Variants in ZNF438 observed in about 807,000 individuals in gnomAD.
The protein encoded by ZNF438 is zinc finger protein 438.
In ZNF438, 25 loss-of-function variants were observed where a neutral mutation model predicts 38.0. The observed-to-expected ratio is 0.66, with a 90% confidence interval of 0.48 to 0.92. ZNF438 has a LOEUF of 0.92. Ranked by LOEUF, ZNF438 falls within the 40% of genes least tolerant of loss-of-function variation. The pLI is 0.00. For synonymous variants in ZNF438, 372 were observed against 364.1 expected (o/e 1.02, Z -0.25); for missense variants, 1,007 against 999.6 (o/e 1.01, Z -0.10).
At chr10:30,929,420 AGTT>A (rs1407777532) in intron 2 of ZNF438, among the ~76,000 whole-genome samples, 1 of 151,490 alleles carries the variant, frequency 6.6e-6, no homozygotes, top group Non-Finnish European at 1.5e-5. Flanking sequence ...GTGTGTCTGG[AGTT>A]GTTCATTCCT....
intron 1 of ZNF438, among the ~76,000 whole-genome samples, chr10:30,948,141 C>A (rs113412090): frequency 1.3e-5 from 2 of 152,206 alleles, no homozygotes; most frequent in East Asian, 3.9e-4. Context: ...AGGGGCACAC[C>A]GACATCTCAC....
At chr10:31,005,706 T>C (rs759230484) in intron 1 of ZNF438, among the ~76,000 whole-genome samples, 1 of 152,224 alleles carries the variant, frequency 6.6e-6, no homozygotes, top group Non-Finnish European at 1.5e-5. Context: ...TTGACTGTAG[T>C]ATCCACTTCA....
chr10:31,029,230 T>C (rs1337085435), intron 1 of ZNF438, among the ~76,000 whole-genome samples: 1 of 152,226 alleles, frequency 6.6e-6, no homozygotes. Context: ...GGGACAATAA[T>C]GGTTCCTTGC....
At chr10:30,928,289 T>C (rs1472051899) in intron 2 of ZNF438, among the ~76,000 whole-genome samples, 2 of 152,186 alleles carry the variant, frequency 1.3e-5, no homozygotes, top group Non-Finnish European at 2.9e-5. Flanking sequence ...CATTGAATCC[T>C]AAAAATAATA....
chr10:30,929,180 C>T (rs1223808462), intron 2 of ZNF438, among the ~76,000 whole-genome samples: 7 of 152,154 alleles, frequency 4.6e-5, no homozygotes, highest in Non-Finnish European at 7.4e-5. Flanking sequence ...ATCACAAGGT[C>T]GGCAAATCAA....
intron 1 of ZNF438, among the ~76,000 whole-genome samples, chr10:30,950,610 C>G (rs1378222302): frequency 1.3e-5 from 2 of 150,794 alleles, no homozygotes; most frequent in African/African-American, 4.9e-5. Flanking sequence ...TCAGAGAATA[C>G]TACAAACACC....
At chr10:31,013,683 T>G (rs1230955467) in intron 1 of ZNF438, among the ~76,000 whole-genome samples, 1 of 152,138 alleles carries the variant, frequency 6.6e-6, no homozygotes, top group Non-Finnish European at 1.5e-5. Flanking sequence ...GGTATCCACC[T>G]CCTTATGGAT....
At chr10:30,979,895 T>G (rs2051906866) in intron 1 of ZNF438, among the ~76,000 whole-genome samples, 1 of 152,298 alleles carries the variant, frequency 6.6e-6, no homozygotes, top group South Asian at 2.1e-4. Context: ...TTACCAAAAC[T>G]AGGAATGCTA....
At chr10:30,871,158 G>A (rs1588905861) in intron 4 of ZNF438, among the ~76,000 whole-genome samples, 4 of 152,276 alleles carry the variant, frequency 2.6e-5, no homozygotes, top group African/African-American at 7.2e-5. Context: ...TGCTTGGATA[G>A]GCAGCCCAGT....
At chr10:30,984,465 T>C (rs937817356) in intron 1 of ZNF438, 39 bp from the exon 2 acceptor site, 1 of 152,178 alleles carries the variant, frequency 6.6e-6, no homozygotes, top group Non-Finnish European at 1.5e-5. Context: ...CATATTCAGA[T>C]AATCCATTTT....
chr10:30,995,846 C>T (rs1188340282), intron 1 of ZNF438, among the ~76,000 whole-genome samples: 1 of 152,106 alleles, frequency 6.6e-6, no homozygotes, highest in Non-Finnish European at 1.5e-5. Context: ...GAGGTCAATA[C>T]AACTAACTAT....
At chr10:30,969,296 CAT>C (rs1564761301) in intron 1 of ZNF438, among the ~76,000 whole-genome samples, 1 of 152,176 alleles carries the variant, frequency 6.6e-6, no homozygotes, top group African/African-American at 2.4e-5. Flanking sequence ...CCAAAGCACA[CAT>C]AGTCTGCTTC....
chr10:30,848,435 T>C, intron 5 of ZNF438, 96 bp downstream of exon 6: 2 of 1,389,560 alleles, frequency 1.4e-6, no homozygotes, highest in East Asian at 4.6e-5. Flanking sequence ...ATCCTAGAGA[T>C]GTTTTATAAA....
intron 2 of ZNF438, among the ~76,000 whole-genome samples, chr10:30,910,683 CAAAA>C (rs11375197): frequency 1.1e-5 from 1 of 89,768 alleles, no homozygotes; most frequent in Non-Finnish European, 2.1e-5. Context: ...GTATATTGGC[CAAAA>C]AAAAAAAAAA....
chr10:30,880,692 T>C (rs914196224), intron 3 of ZNF438, among the ~76,000 whole-genome samples: 2 of 152,046 alleles, frequency 1.3e-5, no homozygotes, highest in African/African-American at 4.8e-5. Flanking sequence ...AATCCAGACA[T>C]AGAAAAGATT....
At chr10:30,919,076 A>G (rs79346319) in intron 2 of ZNF438, 7 of 152,322 alleles carry the variant, frequency 4.6e-5, no homozygotes, top group Non-Finnish European at 1.0e-4. Flanking sequence ...GAGGATTCCT[A>G]CTTGGCCTTC....
intron 3 of ZNF438, among the ~76,000 whole-genome samples, chr10:30,906,609 T>C (rs1292200120): frequency 1.3e-5 from 2 of 152,214 alleles, no homozygotes; most frequent in Admixed American, 6.5e-5. Context: ...CAAAGTTAAA[T>C]AGAAACAGTA....
chr10:31,013,295 G>A (rs755936702), intron 1 of ZNF438, among the ~76,000 whole-genome samples: 64 of 151,870 alleles, frequency 4.2e-4, no homozygotes, highest in Non-Finnish European at 8.3e-4. Context: ...CTCCAGCCTG[G>A]GCGACAGAGC....
intron 2 of ZNF438, among the ~76,000 whole-genome samples, chr10:30,932,445 G>T (rs3006571): frequency 0.13 from 19,299 of 152,066 alleles, 1,613 homozygotes; most frequent in Middle Eastern, 0.24. Context: ...AATGTACTAA[G>T]TGCTTTATAT....
Sources: allele counts gnomAD v4.1 joint callset (sites outside exome capture counted in the v4.1 genomes callset), GRCh38; gene constraint gnomAD v4.1.1; transcripts MANE v1.5; gene names NCBI Gene and HGNC (gene_info 2026-07-23, HGNC 2026-07-21).